Variants in CLIC4 observed in about 807,000 individuals in gnomAD.
CLIC4 encodes the protein chloride intracellular channel protein 4.
In CLIC4, 13 loss-of-function variants were observed where a neutral mutation model predicts 24.6. The observed-to-expected ratio is 0.53, with a 90% CI of 0.34 to 0.84. CLIC4 has a LOEUF of 0.84. Among genes scored for constraint, CLIC4 ranks in the 40% least tolerant of loss-of-function variants. The pLI is 0.01. For synonymous variants in CLIC4, 104 were observed against 111.3 expected (o/e 0.93, Z 0.41); for missense variants, 227 against 301.7 (o/e 0.75, Z 1.83).
chr1:24,839,414 C>T (rs1395199444), intron 4 of CLIC4, among the ~76,000 whole-genome samples: 7 of 152,300 alleles, frequency 4.6e-5, no homozygotes, highest in African/African-American at 1.4e-4. Flanking sequence ...ATTCTCCTGC[C>T]TCAGCCTCCC....
chr1:24,764,709 C>T (rs944616771), intron 1 of CLIC4, among the ~76,000 whole-genome samples: 3 of 151,668 alleles, frequency 2.0e-5, no homozygotes, highest in Admixed American at 1.3e-4. Context: ...CACAGAAGGG[C>T]ATCTGGATTC....
At chr1:24,774,806 C>T (rs1235699040) in intron 1 of CLIC4, among the ~76,000 whole-genome samples, 2 of 152,132 alleles carry the variant, frequency 1.3e-5, no homozygotes, top group African/African-American at 2.4e-5. Context: ...GGCAGTGGCT[C>T]ATGCCTATAA....
At chr1:24,803,882 A>G (rs945946555) in intron 2 of CLIC4, among the ~76,000 whole-genome samples, 3 of 152,182 alleles carry the variant, frequency 2.0e-5, no homozygotes, top group African/African-American at 7.2e-5. Context: ...TAGTTACCTT[A>G]TATTTAAAAT....
intron 1 of CLIC4, among the ~76,000 whole-genome samples, chr1:24,796,312 G>A (rs754710064): frequency 5.9e-5 from 9 of 151,818 alleles, no homozygotes; most frequent in Non-Finnish European, 1.0e-4. Context: ...CCTCAGCCTC[G>A]CAAGTAGCTG....
intron 1 of CLIC4, among the ~76,000 whole-genome samples, chr1:24,795,133 A>G (rs1374062608): frequency 6.6e-6 from 1 of 152,156 alleles, no homozygotes; most frequent in Non-Finnish European, 1.5e-5. Context: ...CTCCTGTGAC[A>G]TGAGTTTACC....
At position 24,745,524 on chromosome 1, in the gene CLIC4, C is replaced by T. The variant is rs757575778; in HGVS notation, c.-30C>T. On this transcript the variant is annotated 5_prime_UTR_variant, in exon 1 of 6. Transcript: ENST00000374379. ...AAGCAGCAGCAGCAGCAGCAGCCCT[C>T]GCCGTTCGCGGAGCGCAGCCGAGCC... is the stretch of plus-strand genomic sequence containing the variant. The T allele has an allele frequency of 6.4e-7, 1 of 1,562,318 alleles. No individual in the cohort carries two copies.
chr1:24,758,817 T>C (rs1293977258), intron 1 of CLIC4, among the ~76,000 whole-genome samples: 1 of 151,852 alleles, frequency 6.6e-6, no homozygotes, highest in East Asian at 1.9e-4. Context: ...TTATTTTTAT[T>C]TTTTTATTTT....
At chr1:24,799,736 C>G (rs1197467516) in intron 2 of CLIC4, among the ~76,000 whole-genome samples, 2 of 118,764 alleles carry the variant, frequency 1.7e-5, no homozygotes, top group South Asian at 2.9e-4. Context: ...CCGCCCCGTC[C>G]GGGAGGGAGG....
intron 3 of CLIC4, among the ~76,000 whole-genome samples, chr1:24,824,291 C>T (rs375443558): frequency 1.3e-5 from 2 of 151,636 alleles, no homozygotes; most frequent in East Asian, 1.9e-4. Context: ...TTTTTTGAGA[C>T]GCAGTCTCGC....
In CLIC4 at chr1:24,745,512, A is replaced by AGCAGCAGCC; in HGVS notation, c.-41_-33dup. On this transcript the variant is annotated 5_prime_UTR_variant, in exon 1 of 6. Transcript: ENST00000374379. The stretch of plus-strand genomic sequence containing the variant: ...GTCCCGGAGCAGAAGCAGCAGCAGC[A>AGCAGCAGCC]GCAGCAGCCCTCGCCGTTCGCGGAG... 6.5e-7 allele frequency: 1 copy of AGCAGCAGCC among 1,539,918 alleles called. No homozygotes were observed. Among genetic ancestry groups the AGCAGCAGCC allele is most frequent in the Non-Finnish European group, 8.8e-7 (1 of 1,140,630 alleles).
At chr1:24,749,590 G>A (rs901895967) in intron 1 of CLIC4, among the ~76,000 whole-genome samples, 1 of 152,202 alleles carries the variant, frequency 6.6e-6, no homozygotes, top group African/African-American at 2.4e-5. Context: ...ATAACAGCAG[G>A]ATGGTTTTTT....
intron 2 of CLIC4, among the ~76,000 whole-genome samples, chr1:24,811,419 C>T (rs960737599): frequency 6.6e-6 from 1 of 152,174 alleles, no homozygotes; most frequent in African/African-American, 2.4e-5. Flanking sequence ...GTGAAAGGGT[C>T]TCCTGGCTTA....
intron 1 of CLIC4, among the ~76,000 whole-genome samples, chr1:24,770,493 C>T (rs912197198): frequency 6.6e-6 from 1 of 152,032 alleles, no homozygotes; most frequent in Non-Finnish European, 1.5e-5. Flanking sequence ...GTTTTTTCCC[C>T]CCTTGCTTTT....
chr1:24,746,909 A>G (rs1638706672), intron 1 of CLIC4, among the ~76,000 whole-genome samples: 1 of 152,082 alleles, frequency 6.6e-6, no homozygotes, highest in Non-Finnish European at 1.5e-5. Flanking sequence ...GAACTGCTTG[A>G]GCCCGGGAGG....
At chr1:24,811,031 A>T (rs1256839644) in intron 2 of CLIC4, among the ~76,000 whole-genome samples, 1 of 151,720 alleles carries the variant, frequency 6.6e-6, no homozygotes, top group South Asian at 2.1e-4. Context: ...GTGAGCCGAG[A>T]TCGCACCACT....
intron 3 of CLIC4, among the ~76,000 whole-genome samples, chr1:24,815,532 T>G (rs906454570): frequency 6.6e-6 from 1 of 152,092 alleles, no homozygotes; most frequent in African/African-American, 2.4e-5. Flanking sequence ...AAAATGCTAA[T>G]GGTTATCTGA....
chr1:24,821,833 A>G, intron 3 of CLIC4, among the ~76,000 whole-genome samples: 1 of 152,094 alleles, frequency 6.6e-6, no homozygotes, highest in East Asian at 1.9e-4. Flanking sequence ...CCATCTGCCC[A>G]CCTCAGCCTC....
At chr1:24,821,146 C>T (rs544779677) in intron 3 of CLIC4, among the ~76,000 whole-genome samples, 1 of 151,746 alleles carries the variant, frequency 6.6e-6, no homozygotes, top group East Asian at 1.9e-4. Flanking sequence ...GATCATGCCA[C>T]TGCATTCCAG....
chr1:24,838,105 G>C (rs1639903892), intron 4 of CLIC4, among the ~76,000 whole-genome samples: 3 of 151,982 alleles, frequency 2.0e-5, no homozygotes, highest in African/African-American at 7.3e-5. Context: ...TTTCTCCTTG[G>C]GAAGGTAAAT....
Sources: allele counts gnomAD v4.1 joint callset (sites outside exome capture counted in the v4.1 genomes callset), GRCh38; gene constraint gnomAD v4.1.1; transcripts MANE v1.5; gene names NCBI Gene and HGNC (gene_info 2026-07-23, HGNC 2026-07-21).